Variants in DNAJB6 observed in about 807,000 individuals in gnomAD.
DNAJB6 encodes the protein DnaJ heat shock protein family (Hsp40) member B6.
A neutral mutation model predicts 42.7 loss-of-function variants in DNAJB6; 16 were observed. That is an observed-to-expected ratio of 0.37 (90% CI 0.25 to 0.57). DNAJB6 has a LOEUF of 0.57. Among genes scored for constraint, DNAJB6 ranks in the 20% least tolerant of loss-of-function variants. The pLI is 0.74. For missense variants in DNAJB6, 347 were observed against 416.8 expected (o/e 0.83, Z 1.46); for synonymous variants, 170 against 163.5 (o/e 1.04, Z -0.30).
At chr7:157,373,823 A>G (rs1182461201) in intron 5 of DNAJB6, among the ~76,000 whole-genome samples, 1 of 152,148 alleles carries the variant, frequency 6.6e-6, no homozygotes, top group African/African-American at 2.4e-5. Flanking sequence ...GAGTTCATAC[A>G]CAGGCACACC....
intron 5 of DNAJB6, among the ~76,000 whole-genome samples, chr7:157,370,079 C>T (rs995090797): frequency 9.8e-5 from 14 of 143,450 alleles, no homozygotes; most frequent in Middle Eastern, 4.2e-3. Flanking sequence ...AAACGGGCCC[C>T]TTCTTAACAT....
At position 157,358,549 on chromosome 7, in the gene DNAJB6, C is replaced by G. The variant is rs767652341; in HGVS notation, c.-24C>G. The G allele has an allele frequency of 1.5e-5, 24 of 1,606,482 alleles. No homozygotes were observed. The South Asian group carries it at 1.6e-4, about 11-fold the overall frequency. On this transcript the variant is annotated splice_region_variant and 5_prime_UTR_variant, in exon 2 of 10. Transcript: ENST00000262177. ...TGACCACCTGTTTTTACTTGCAGGA[C>G]CCATTCCAACAATCTCGTAAAACAT...
chr7:157,341,505 C>T (rs79829894), intron 1 of DNAJB6, among the ~76,000 whole-genome samples: 1,684 of 152,216 alleles, frequency 0.011, 31 homozygotes, highest in East Asian at 0.06. Context: ...ATGATTTTTC[C>T]CCCTTTGATA....
At chr7:157,415,151 C>G (rs1475601250) in intron 9 of DNAJB6, 2 of 152,316 alleles carry the variant, frequency 1.3e-5, no homozygotes, top group Non-Finnish European at 2.9e-5. Context: ...GCCATGTTCC[C>G]TCTGCCCAGT....
intron 1 of DNAJB6, among the ~76,000 whole-genome samples, chr7:157,353,718 G>T (rs980747256): frequency 6.6e-6 from 1 of 151,816 alleles, no homozygotes; most frequent in Non-Finnish European, 1.5e-5. Flanking sequence ...GGAATGCCGC[G>T]GTGCAGTCCT....
At chr7:157,352,334 A>G (rs1028792325) in intron 1 of DNAJB6, among the ~76,000 whole-genome samples, 4 of 151,740 alleles carry the variant, frequency 2.6e-5, no homozygotes, top group South Asian at 4.2e-4. Flanking sequence ...AAATATATAC[A>G]TATATATGTA....
chr7:157,394,314 T>C (rs1801484321), intron 8 of DNAJB6, among the ~76,000 whole-genome samples: 1 of 152,232 alleles, frequency 6.6e-6, no homozygotes, highest in African/African-American at 2.4e-5. Context: ...TGAGCTTGTA[T>C]TCTACTGGAT....
At chr7:157,346,503 A>C (rs950220323) in intron 1 of DNAJB6, among the ~76,000 whole-genome samples, 1 of 152,104 alleles carries the variant, frequency 6.6e-6, no homozygotes, top group African/African-American at 2.4e-5. Context: ...TTATCATCTA[A>C]TACACAGTTG....
intron 6 of DNAJB6, chr7:157,382,764 A>T (rs1268712633): frequency 6.4e-6 from 1 of 155,138 alleles, no homozygotes; most frequent in African/African-American, 2.4e-5. Flanking sequence ...TCCTAGGAGC[A>T]TCCCACTGGA....
intron 1 of DNAJB6, among the ~76,000 whole-genome samples, chr7:157,339,458 C>G (rs898623792): frequency 2.0e-5 from 3 of 151,608 alleles, no homozygotes; most frequent in African/African-American, 7.3e-5. Context: ...CCACCACAGC[C>G]GGCTAATTTT....
intron 8 of DNAJB6, among the ~76,000 whole-genome samples, chr7:157,396,891 A>G (rs1801612447): frequency 6.6e-6 from 1 of 151,926 alleles, no homozygotes; most frequent in East Asian, 1.9e-4. Flanking sequence ...CTCCTTTTCT[A>G]CATGGGAAGG....
At chr7:157,372,038 C>G (rs967454885) in intron 5 of DNAJB6, 1 of 152,258 alleles carries the variant, frequency 6.6e-6, no homozygotes, top group Non-Finnish European at 1.5e-5. Flanking sequence ...GTATGTAGAA[C>G]CAAGGAAAGC....
intron 8 of DNAJB6, among the ~76,000 whole-genome samples, chr7:157,398,622 G>C (rs573056309): frequency 8.9e-4 from 136 of 152,154 alleles, no homozygotes; most frequent in African/African-American, 2.9e-3. Flanking sequence ...TTGGCTTGAG[G>C]GGGGGGATGC....
At chr7:157,398,124 T>G (rs925132713) in intron 8 of DNAJB6, among the ~76,000 whole-genome samples, 5 of 152,190 alleles carry the variant, frequency 3.3e-5, no homozygotes, top group Admixed American at 1.3e-4. Flanking sequence ...CTGTTCGATG[T>G]GCCTTTGTAT....
intron 8 of DNAJB6, among the ~76,000 whole-genome samples, chr7:157,400,665 C>T (rs572514808): frequency 1.1e-4 from 17 of 152,288 alleles, no homozygotes; most frequent in South Asian, 8.3e-4. Context: ...CTCTTGCGTC[C>T]GCCTGGCACG....
intron 5 of DNAJB6, chr7:157,368,674 G>C (rs1799960416): frequency 6.5e-6 from 1 of 153,228 alleles, no homozygotes; most frequent in African/African-American, 2.4e-5. Flanking sequence ...CTCAACCACT[G>C]GGACTTCCTG....
Position 157,358,536 on chromosome 7 carries a change from T to C in DNAJB6, c.-26-11T>C, listed in dbSNP as rs904053578. ...GCAGCCTCATCACTGACCACCTGTT[T>C]TTACTTGCAGGACCCATTCCAACAA... On this transcript the variant is annotated splice_polypyrimidine_tract_variant and intron_variant, in intron 1 of 9. Coordinates refer to ENST00000262177, the MANE Select transcript of DNAJB6 (RefSeq NM_058246.4). 2 of 1,591,180 alleles carry C rather than the reference T, an allele frequency of 1.3e-6. No individual in the cohort carries two copies. Among genetic ancestry groups the C allele is most frequent in the African/African-American group, 1.3e-5 (1 of 74,420 alleles).
chr7:157,346,974 G>C (rs147071573), intron 1 of DNAJB6, among the ~76,000 whole-genome samples: 70 of 152,282 alleles, frequency 4.6e-4, no homozygotes, highest in African/African-American at 1.6e-3. Context: ...TCCTGCCTCA[G>C]CCTGCCAAGT....
intron 2 of DNAJB6, among the ~76,000 whole-genome samples, chr7:157,359,705 A>G (rs1037076206): frequency 3.4e-4 from 52 of 152,100 alleles, no homozygotes; most frequent in South Asian, 2.1e-4. Context: ...TGTAGTCCCA[A>G]CTGCTCCAGA....
Sources: gnomAD v4.1 joint callset for allele counts (sites outside exome capture counted in the v4.1 genomes callset) on GRCh38, gnomAD v4.1.1 for gene constraint, MANE v1.5 for transcripts, NCBI Gene and HGNC (gene_info 2026-07-23, HGNC 2026-07-21) for gene names.